RNF150: variants seen among roughly 807,000 people sequenced by gnomAD.
RNF150 encodes ring finger protein 150.
In RNF150, 24 loss-of-function variants were observed where a neutral mutation model predicts 39.3. The ratio of observed to expected loss-of-function variants is 0.61; its 90% CI spans 0.44 to 0.86. The LOEUF is 0.86. RNF150 is among the 40% of genes least tolerant of loss of function. RNF150 has a pLI of 0.00. For missense variants in RNF150, 502 were observed against 587.8 expected (o/e 0.85, Z 1.51); for synonymous variants, 255 against 227.3 (o/e 1.12, Z -1.10).
rs1222018384 is a variant in RNF150 at position 141,132,983 on chromosome 4, G to C, written c.-175C>G. 5.3e-6 allele frequency: 3 copies of C among 563,232 alleles called. No individual in the cohort carries two copies. The highest frequency in any genetic ancestry group is 9.1e-6 in the Non-Finnish European group (3 of 327,896). 34.9% of individuals were successfully genotyped at this position (563,232 alleles called of 1,614,324 possible). On this transcript the variant is annotated 5_prime_UTR_variant, in exon 1 of 7. Transcript: ENST00000515673. This position sits in a 1 kb window ranked among gnomAD's most constrained non-coding sequence, Gnocchi z 4.9. Reference sequence around the variant, plus strand: ...CGCGGGGACCGGATTCCGGGCGAGCGGATGGCGCTGGCCCCTTCCCCTCTC... The same window carrying C: ...CGCGGGGACCGGATTCCGGGCGAGCCGATGGCGCTGGCCCCTTCCCCTCTC...
At chr4:141,086,027 T>TACAC (rs10527153) in intron 1 of RNF150, among the ~76,000 whole-genome samples, 8,788 of 139,998 alleles carry the variant, frequency 0.063, 292 homozygotes, top group Non-Finnish European at 0.077. Context: ...TGAGAAGAGT[T>TACAC]ACACACACAC....
At chr4:141,148,893 T>C (rs777091335) in intron 1 of RNF150, among the ~76,000 whole-genome samples, 2 of 152,236 alleles carry the variant, frequency 1.3e-5, no homozygotes, top group Non-Finnish European at 2.9e-5. Context: ...AGGGGGTTGA[T>C]TCCATCAGCT....
intron 5 of RNF150, among the ~76,000 whole-genome samples, chr4:140,914,792 T>C (rs1408715263): frequency 1.3e-5 from 2 of 152,238 alleles, no homozygotes; most frequent in Admixed American, 6.5e-5. Context: ...TGGAAAATGA[T>C]ACCTATTGTT....
intron 1 of RNF150, among the ~76,000 whole-genome samples, chr4:141,151,098 C>G (rs762156928): frequency 7.2e-5 from 11 of 151,804 alleles, no homozygotes; most frequent in Non-Finnish European, 1.5e-4. Flanking sequence ...CATTACCATA[C>G]CTGGCTAAGT....
intron 6 of RNF150, among the ~76,000 whole-genome samples, chr4:140,887,840 G>C (rs1056861696): frequency 2.6e-5 from 4 of 152,156 alleles, no homozygotes; most frequent in African/African-American, 9.7e-5. Context: ...AAAGAAAGAA[G>C]CATTTTAAAT....
chr4:141,075,756 A>C (rs1560724379), intron 1 of RNF150, among the ~76,000 whole-genome samples: 3 of 152,064 alleles, frequency 2.0e-5, no homozygotes. Context: ...ATTCTTTATT[A>C]ATTTTTCTTA....
chr4:140,958,654 T>C (rs3909596), intron 2 of RNF150, among the ~76,000 whole-genome samples: 5,673 of 152,194 alleles, frequency 0.037, 234 homozygotes, highest in African/African-American at 0.1. Context: ...TGCCTCCCAG[T>C]TCCCATGACT....
At chr4:140,884,729 T>C (rs1729499613) in intron 6 of RNF150, among the ~76,000 whole-genome samples, 1 of 151,818 alleles carries the variant, frequency 6.6e-6, no homozygotes, top group Non-Finnish European at 1.5e-5. Flanking sequence ...TTCCTGTCTG[T>C]GCTTAGATTT....
chr4:141,101,851 G>A (rs1739023761), intron 1 of RNF150, among the ~76,000 whole-genome samples: 1 of 151,908 alleles, frequency 6.6e-6, no homozygotes, highest in Non-Finnish European at 1.5e-5. Flanking sequence ...GCACAATCTC[G>A]GCTCACTGCA....
intron 1 of RNF150, among the ~76,000 whole-genome samples, chr4:141,195,198 C>A (rs545404161): frequency 1.3e-5 from 2 of 151,984 alleles, no homozygotes; most frequent in South Asian, 2.1e-4. Flanking sequence ...GAAAAATACT[C>A]GATTACCCAC....
At chr4:140,924,878 A>T (rs143942893) in intron 5 of RNF150, among the ~76,000 whole-genome samples, 2 of 152,306 alleles carry the variant, frequency 1.3e-5, no homozygotes, top group African/African-American at 4.8e-5. Context: ...CAGCTGGCAC[A>T]GGGTAGAAAG....
At position 140,892,324 on chromosome 4, in the gene RNF150, T is replaced by C. The variant is rs555161723; in HGVS notation, c.1198+18820A>G. Reference sequence around the variant, plus strand: ...GTTCTTTTGCTAATCTGATCTATGTTTCCTGAAAAGCTAAAACAAAACAAG... The same window carrying C: ...GTTCTTTTGCTAATCTGATCTATGTCTCCTGAAAAGCTAAAACAAAACAAG... On this transcript the variant is annotated intron_variant, in intron 6 of 6. Transcript: ENST00000515673. Among the ~76,000 whole-genome samples, 4 of 152,328 alleles carry C rather than the reference T, an allele frequency of 2.6e-5. No individual in the cohort carries two copies. In the South Asian group the frequency reaches 8.3e-4, roughly 32 times the overall value.
At chr4:140,979,784 A>G (rs761521181) in intron 1 of RNF150, among the ~76,000 whole-genome samples, 23 of 152,094 alleles carry the variant, frequency 1.5e-4, no homozygotes, top group Admixed American at 5.9e-4. Context: ...TGCAACGTTA[A>G]AAGGTAAACT....
chr4:141,013,039 G>A (rs1481911634), intron 1 of RNF150, among the ~76,000 whole-genome samples: 2 of 152,084 alleles, frequency 1.3e-5, no homozygotes, highest in Admixed American at 1.3e-4. Flanking sequence ...AGACATCTTG[G>A]AGACAAATGG....
At chr4:140,878,428 C>A (rs891392473) in intron 6 of RNF150, among the ~76,000 whole-genome samples, 2 of 152,216 alleles carry the variant, frequency 1.3e-5, no homozygotes, top group Non-Finnish European at 1.5e-5. Context: ...TGCCCTTGGC[C>A]TCCCAAAGTG....
intron 1 of RNF150, among the ~76,000 whole-genome samples, chr4:141,007,140 G>A (rs542190978): frequency 7.9e-5 from 12 of 152,244 alleles, no homozygotes; most frequent in South Asian, 4.1e-4. Context: ...CCATCTCTTC[G>A]TTTTAGAGTC....
At chr4:140,969,993 A>G (rs942336415) in intron 1 of RNF150, among the ~76,000 whole-genome samples, 1 of 152,002 alleles carries the variant, frequency 6.6e-6, no homozygotes, top group African/African-American at 2.4e-5. Context: ...TGAACTCCTG[A>G]CCTCAACTGA....
intron 1 of RNF150, among the ~76,000 whole-genome samples, chr4:141,038,917 G>A (rs1401676702): frequency 6.6e-6 from 1 of 152,070 alleles, no homozygotes; most frequent in African/African-American, 2.4e-5. Context: ...CCTCACAGAG[G>A]AGCCAGGCCT....
chr4:140,949,512 G>C (rs573717469), intron 2 of RNF150, 140 bp from the exon 3 acceptor site: 1 of 693,036 alleles, frequency 1.4e-6, no homozygotes, highest in East Asian at 2.6e-5. Flanking sequence ...GACTAGAAAA[G>C]ACAGGGCAGT....
Sources: allele counts gnomAD v4.1 joint callset (sites outside exome capture counted in the v4.1 genomes callset), GRCh38; gene constraint gnomAD v4.1.1; non-coding constraint Gnocchi (gnomAD v3.1); transcripts MANE v1.5; gene names NCBI Gene and HGNC (gene_info 2026-07-23, HGNC 2026-07-21).